CHCHD6: variants seen among roughly 807,000 people sequenced by gnomAD.
CHCHD6 encodes coiled-coil-helix-coiled-coil-helix domain containing 6.
Under a neutral mutation model 32.3 loss-of-function variants are expected in CHCHD6, and 28 were observed. The ratio of observed to expected loss-of-function variants is 0.87; its 90% CI spans 0.64 to 1.19. CHCHD6 has a LOEUF of 1.19. Among genes scored for constraint, CHCHD6 ranks in the 50% most tolerant of loss-of-function variants. CHCHD6 has a pLI of 0.00. For synonymous variants in CHCHD6, 122 were observed against 117.5 expected, an observed-to-expected ratio of 1.04 and a Z score of -0.25; for missense variants, 333 against 307.0, an observed-to-expected ratio of 1.08 and a Z score of -0.63.
intron 5 of CHCHD6, among the ~76,000 whole-genome samples, chr3:126,910,051 C>G (rs1257057761): frequency 6.6e-6 from 1 of 152,244 alleles, no homozygotes; most frequent in East Asian, 1.9e-4. Flanking sequence ...CCAAGGCAGG[C>G]AGATCACTTG....
rs546179022 is a variant in CHCHD6, at chr3:126,913,207, CTTTTTTTTTTTTTTTTTT to C, written c.496-1453_496-1436del. Reference sequence around the variant, plus strand: ...GGATAATCATGCTGCCCGTATGAGCCTTTTTTTTTTTTTTTTTTTTTTTTTTTTTTTTTTTTTGGGAGA... The same window carrying C: ...GGATAATCATGCTGCCCGTATGAGCCTTTTTTTTTTTTTTTTTTTGGGAGA... On this transcript the variant is annotated intron_variant, in intron 5 of 7. Transcript: ENST00000290913. Among the ~76,000 whole-genome samples the C allele has an allele frequency of 5.1e-3, 173 of 33,776 alleles. 2 individuals carry two copies. The highest frequency in any genetic ancestry group is 0.023 in the Middle Eastern group (1 of 44). The allele number at this position is 33,776 out of a possible 152,430, so 22.2% of individuals were successfully genotyped here.
intron 4 of CHCHD6, among the ~76,000 whole-genome samples, chr3:126,801,548 A>G (rs1427768170): frequency 2.0e-5 from 3 of 152,212 alleles, no homozygotes; most frequent in Non-Finnish European, 2.9e-5. Context: ...TAGGTAAACA[A>G]AGCAGCCAGG....
At chr3:126,756,778 A>G (rs1936971128) in intron 4 of CHCHD6, among the ~76,000 whole-genome samples, 1 of 152,236 alleles carries the variant, frequency 6.6e-6, no homozygotes, top group African/African-American at 2.4e-5. Flanking sequence ...GCAGAACAGA[A>G]CAAAGCTCTT....
intron 6 of CHCHD6, among the ~76,000 whole-genome samples, chr3:126,950,643 G>A (rs1466706301): frequency 1.3e-5 from 2 of 152,140 alleles, no homozygotes; most frequent in Non-Finnish European, 2.9e-5. Context: ...TAGAGATGAG[G>A]TTTCACCATG....
chr3:126,772,434 A>G (rs1233898172), intron 4 of CHCHD6, among the ~76,000 whole-genome samples: 1 of 152,132 alleles, frequency 6.6e-6, no homozygotes, highest in African/African-American at 2.4e-5. Flanking sequence ...TGTGTTGGGT[A>G]TATATACATT....
At chr3:126,859,215 C>T (rs1393828306) in intron 5 of CHCHD6, among the ~76,000 whole-genome samples, 2 of 152,166 alleles carry the variant, frequency 1.3e-5, no homozygotes, top group East Asian at 1.9e-4. Context: ...AGCCTTTGCC[C>T]AGAAGGCTTC....
At chr3:126,827,452 T>TG in intron 4 of CHCHD6, among the ~76,000 whole-genome samples, 1 of 152,232 alleles carries the variant, frequency 6.6e-6, no homozygotes, top group African/African-American at 2.4e-5. Flanking sequence ...GAGGTTGCCT[T>TG]GGTGGAGGGA....
At chr3:126,757,183 C>T (rs949453221) in intron 4 of CHCHD6, among the ~76,000 whole-genome samples, 1 of 152,178 alleles carries the variant, frequency 6.6e-6, no homozygotes, top group Non-Finnish European at 1.5e-5. Flanking sequence ...AAAGGAAATG[C>T]TCATTGGAGC....
chr3:126,842,928 A>G (rs1174151431), intron 4 of CHCHD6, among the ~76,000 whole-genome samples: 1 of 151,186 alleles, frequency 6.6e-6, no homozygotes, highest in Admixed American at 6.6e-5. Flanking sequence ...TTCTAGAAAT[A>G]TGTCTGTTAA....
intron 4 of CHCHD6, among the ~76,000 whole-genome samples, chr3:126,810,720 T>A (rs9878234): frequency 0.033 from 5,094 of 152,310 alleles, 284 homozygotes; most frequent in African/African-American, 0.12. Flanking sequence ...ATAGGGACTC[T>A]GTATTATCTT....
At chr3:126,778,142 A>G (rs547464237) in intron 4 of CHCHD6, among the ~76,000 whole-genome samples, 1 of 152,350 alleles carries the variant, frequency 6.6e-6, no homozygotes, top group South Asian at 2.1e-4. Context: ...TTGTATGGCC[A>G]TATCACATTT....
At chr3:126,780,401 A>G (rs959850014) in intron 4 of CHCHD6, 7 of 398,098 alleles carry the variant, frequency 1.8e-5, no homozygotes, top group African/African-American at 6.3e-5. Flanking sequence ...CATCACTCCA[A>G]TCTTCCAGCC....
chr3:126,890,838 C>T (rs1166589004), intron 5 of CHCHD6, among the ~76,000 whole-genome samples: 1 of 152,190 alleles, frequency 6.6e-6, no homozygotes, highest in East Asian at 1.9e-4. Flanking sequence ...GACTATGGCC[C>T]TTCCCTCCAA....
intron 5 of CHCHD6, among the ~76,000 whole-genome samples, chr3:126,901,357 G>T (rs2107583168): frequency 6.6e-6 from 1 of 152,306 alleles, no homozygotes; most frequent in African/African-American, 2.4e-5. Flanking sequence ...CACTCATCCT[G>T]ACTGGACCAC....
chr3:126,726,080 C>G (rs1935521106), intron 1 of CHCHD6, among the ~76,000 whole-genome samples: 1 of 152,226 alleles, frequency 6.6e-6, no homozygotes, highest in Non-Finnish European at 1.5e-5. Flanking sequence ...TGCAACAGGC[C>G]TAGCTCTCGG....
intron 4 of CHCHD6, among the ~76,000 whole-genome samples, chr3:126,816,501 T>G (rs1409215839): frequency 1.3e-5 from 2 of 152,078 alleles, no homozygotes; most frequent in African/African-American, 4.8e-5. Flanking sequence ...AAAGCGTCCC[T>G]TCAGGAAGGG....
intron 4 of CHCHD6, among the ~76,000 whole-genome samples, chr3:126,847,713 G>A (rs1388325664): frequency 6.6e-6 from 1 of 151,880 alleles, no homozygotes. Context: ...ATTTTATTTG[G>A]TCTTTTCTGT....
chr3:126,704,872 C>A (rs564188637), intron 1 of CHCHD6, among the ~76,000 whole-genome samples: 1 of 152,180 alleles, frequency 6.6e-6, no homozygotes, highest in Non-Finnish European at 1.5e-5. Flanking sequence ...AGATCTGATC[C>A]CCTTCCTTGC....
intron 3 of CHCHD6, 117 bp from the exon 4 acceptor site, chr3:126,732,961 C>T (rs1409090523): frequency 8.7e-6 from 10 of 1,144,130 alleles, no homozygotes; most frequent in Admixed American, 1.9e-5. Context: ...CCTGACCAGC[C>T]GCTGGCTGGT....
Sources: gnomAD v4.1 joint callset for allele counts (sites outside exome capture counted in the v4.1 genomes callset) on GRCh38, gnomAD v4.1.1 for gene constraint, MANE v1.5 for transcripts, NCBI Gene and HGNC (gene_info 2026-07-23, HGNC 2026-07-21) for gene names.